Variants in FNDC3B observed in about 807,000 individuals in gnomAD.
FNDC3B encodes the protein fibronectin type III domain-containing protein 3B.
In FNDC3B, 12 loss-of-function variants were observed where a neutral mutation model predicts 151.5. The observed-to-expected ratio is 0.08, with a 90% CI of 0.05 to 0.13. The LOEUF is 0.13. Ranked by LOEUF, FNDC3B falls within the 10% of genes least tolerant of loss-of-function variation. The probability of loss-of-function intolerance (pLI) is 1.00; values close to 1 mark genes in which losing one functional copy is unlikely to be tolerated. For synonymous variants in FNDC3B, 528 were observed against 549.0 expected (o/e 0.96, Z 0.54); for missense variants, 1,214 against 1,505.3 (o/e 0.81, Z 3.20).
chr3:172,071,318 A>C (rs1717763933), intron 1 of FNDC3B, among the ~76,000 whole-genome samples: 1 of 152,208 alleles, frequency 6.6e-6, no homozygotes, highest in South Asian at 2.1e-4. Flanking sequence ...AGTTGGATAT[A>C]ACTTTAATAG....
rs1723480185 is a variant in FNDC3B at position 172,174,923 on chromosome 3, TCCCCCCGCCA to T, written c.187+41384_187+41393del. 1.2e-4 allele frequency among the ~76,000 whole-genome samples: 3 copies of T among 25,594 alleles called. No homozygotes were observed. In the South Asian group the frequency reaches 5.7e-3, roughly 49 times the overall value. The allele number at this position is 25,594 out of a possible 152,430, so 16.8% of individuals were successfully genotyped here. The stretch of plus-strand genomic sequence containing the variant: ...GATTCTCTGTGGACTTTGGAGACCT[TCCCCCCGCCA>T]CCCCCCCCCCCCCAATACAATTTGC... On this transcript the variant is annotated intron_variant, in intron 3 of 25. Coordinates refer to ENST00000415807, the MANE Select transcript of FNDC3B (RefSeq NM_022763.4).
chr3:172,265,007 GA>G (rs1485197870), intron 6 of FNDC3B, among the ~76,000 whole-genome samples: 6 of 152,192 alleles, frequency 3.9e-5, no homozygotes, highest in Non-Finnish European at 5.9e-5. Flanking sequence ...GGATAAGGGA[GA>G]ATATATCCAA....
intron 1 of FNDC3B, among the ~76,000 whole-genome samples, chr3:172,098,595 T>G (rs1431901116): frequency 3.3e-5 from 5 of 152,198 alleles, no homozygotes; most frequent in Non-Finnish European, 7.4e-5. Flanking sequence ...AAGCAGTAGA[T>G]TCTTGGGAGT....
intron 6 of FNDC3B, among the ~76,000 whole-genome samples, chr3:172,272,671 G>A (rs1729255645): frequency 6.6e-6 from 1 of 152,190 alleles, no homozygotes; most frequent in Non-Finnish European, 1.5e-5. Context: ...AACCGAATAT[G>A]ATGATCTTAG....
intron 13 of FNDC3B, among the ~76,000 whole-genome samples, chr3:172,331,292 G>A (rs549969727): frequency 6.6e-6 from 1 of 152,174 alleles, no homozygotes; most frequent in South Asian, 2.1e-4. Flanking sequence ...TGTGTGATTG[G>A]GCTCTCCATT....
chr3:172,192,300 G>A (rs2108674451), intron 3 of FNDC3B, among the ~76,000 whole-genome samples: 1 of 151,728 alleles, frequency 6.6e-6, no homozygotes, highest in South Asian at 2.1e-4. Flanking sequence ...AGCCTCCTGA[G>A]TAGCTGGGAC....
chr3:172,375,411 A>G (rs928937012), intron 23 of FNDC3B, among the ~76,000 whole-genome samples: 2 of 152,180 alleles, frequency 1.3e-5, no homozygotes, highest in Non-Finnish European at 2.9e-5. Context: ...CAAAGCTCTT[A>G]GGATTCCTTA....
At chr3:172,065,717 G>GAGT (rs746176664) in intron 1 of FNDC3B, among the ~76,000 whole-genome samples, 199 of 152,348 alleles carry the variant, frequency 1.3e-3, no homozygotes, top group Non-Finnish European at 2.5e-3. Context: ...CTCATGCCTG[G>GAGT]AGTAGCTCCA....
intron 24 of FNDC3B, 81 bp downstream of exon 24, chr3:172,378,517 A>G: frequency 8.1e-7 from 1 of 1,234,532 alleles, no homozygotes; most frequent in Non-Finnish European, 1.1e-6. Context: ...CTCTTTTCTG[A>G]TGTTAAATAT....
intron 11 of FNDC3B, among the ~76,000 whole-genome samples, chr3:172,314,113 G>T (rs1330156217): frequency 1.3e-5 from 2 of 152,168 alleles, no homozygotes; most frequent in Non-Finnish European, 2.9e-5. Flanking sequence ...TTGGTACCAG[G>T]ACTGTTTCCA....
chr3:172,115,059 T>C (rs1273249891), intron 2 of FNDC3B, among the ~76,000 whole-genome samples: 1 of 152,216 alleles, frequency 6.6e-6, no homozygotes, highest in Admixed American at 6.5e-5. Context: ...CAGCCCAAGA[T>C]TTACCATGCT....
rs187450972 is a variant in FNDC3B, at chr3:172,367,005, C to T, written c.3008+4160C>T. On this transcript the variant is annotated intron_variant, in intron 23 of 25. Coordinates refer to ENST00000415807, the MANE Select transcript of FNDC3B (RefSeq NM_022763.4). ...TGTTTCATGTAAATAAAAGGGATCC[C>T]AAAGAGCATCTTGCCCAAACCCTTG... Among the ~76,000 whole-genome samples, 61 of 152,294 alleles carry T rather than the reference C, an allele frequency of 4.0e-4. 2 individuals carry two copies. The East Asian group carries it at 6.2e-3, about 15-fold the overall frequency.
intron 1 of FNDC3B, among the ~76,000 whole-genome samples, chr3:172,056,082 G>A (rs1716904848): frequency 6.6e-6 from 1 of 151,814 alleles, no homozygotes. Flanking sequence ...CGCCCGGCCT[G>A]TTCCTAGTAT....
At chr3:172,158,681 G>C (rs913146221) in intron 3 of FNDC3B, among the ~76,000 whole-genome samples, 3 of 152,058 alleles carry the variant, frequency 2.0e-5, no homozygotes, top group Non-Finnish European at 4.4e-5. Context: ...TTCCTCTTAT[G>C]GTTTTGGTGT....
chr3:172,131,047 G>C (rs1377048766), intron 2 of FNDC3B, among the ~76,000 whole-genome samples: 1 of 152,128 alleles, frequency 6.6e-6, no homozygotes, highest in Admixed American at 6.5e-5. Flanking sequence ...GTATATTTAT[G>C]TAAAAATAAA....
Position 172,223,321 on chromosome 3 carries a change from AG to A in FNDC3B, c.188-3548del, listed in dbSNP as rs1422838965. On this transcript the variant is annotated intron_variant, in intron 3 of 25. Transcript: ENST00000415807. ...TGCAATGGTTTATTTCAGAAAGGAG[AG>A]GAACTTGGGGTTCTAAGGCAAGGTG... 5.3e-5 allele frequency among the ~76,000 whole-genome samples: 8 copies of A among 152,326 alleles called. 1 individual carries two copies. Among genetic ancestry groups the A allele is most frequent in the Non-Finnish European group, 7.3e-5 (5 of 68,032 alleles).
intron 1 of FNDC3B, among the ~76,000 whole-genome samples, chr3:172,108,642 C>T (rs912031716): frequency 2.0e-5 from 3 of 152,204 alleles, no homozygotes; most frequent in Admixed American, 6.5e-5. Flanking sequence ...CCTTCCCAGG[C>T]CTCCTGGCCT....
chr3:172,286,275 T>C (rs1386880017), intron 7 of FNDC3B, among the ~76,000 whole-genome samples: 1 of 145,316 alleles, frequency 6.9e-6, no homozygotes, highest in African/African-American at 2.6e-5. Context: ...TTTTTCAGTC[T>C]ACAGTTTTCT....
intron 3 of FNDC3B, among the ~76,000 whole-genome samples, chr3:172,193,497 T>C (rs1724669043): frequency 6.6e-6 from 1 of 150,952 alleles, no homozygotes; most frequent in Non-Finnish European, 1.5e-5. Context: ...ACTTTTTGTT[T>C]TGGTGTGTAG....
Sources: allele counts gnomAD v4.1 joint callset (sites outside exome capture counted in the v4.1 genomes callset), GRCh38; gene constraint gnomAD v4.1.1; transcripts MANE v1.5; gene names NCBI Gene and HGNC (gene_info 2026-07-23, HGNC 2026-07-21).